Variants in RNFT2 observed in about 807,000 individuals in gnomAD.
RNFT2 encodes the protein E3 ubiquitin-protein ligase RNFT2.
A neutral mutation model predicts 53.0 loss-of-function variants in RNFT2; 36 were observed. The observed-to-expected ratio is 0.68, with a 90% CI of 0.52 to 0.90. The LOEUF (loss-of-function observed/expected upper bound fraction) is 0.90. Ranked by LOEUF, RNFT2 falls within the 40% of genes least tolerant of loss-of-function variation. The probability of loss-of-function intolerance (pLI) is 0.00; values close to 1 mark genes in which losing one functional copy is unlikely to be tolerated. For missense variants in RNFT2, 514 were observed against 585.6 expected, an observed-to-expected ratio of 0.88 and a Z score of 1.26; for synonymous variants, 260 against 253.2, an observed-to-expected ratio of 1.03 and a Z score of -0.26.
At chr12:116,789,195 G>C (rs1003102886) in intron 7 of RNFT2, among the ~76,000 whole-genome samples, 10 of 144,024 alleles carry the variant, frequency 6.9e-5, no homozygotes, top group Admixed American at 7.0e-5. Context: ...TAGGAGAGTG[G>C]TGGGTGGATG....
intron 7 of RNFT2, among the ~76,000 whole-genome samples, chr12:116,791,462 C>T (rs1874228370): frequency 6.6e-6 from 1 of 152,176 alleles, no homozygotes; most frequent in Non-Finnish European, 1.5e-5. Flanking sequence ...CAGGAGTGCG[C>T]CACCAGGCCT....
At chr12:116,819,296 C>T (rs569287959) in intron 7 of RNFT2, among the ~76,000 whole-genome samples, 68 of 152,338 alleles carry the variant, frequency 4.5e-4, no homozygotes, top group South Asian at 2.7e-3. Context: ...AAACTGAGAT[C>T]TCCTTTGTCC....
At chr12:116,832,148 A>AAAT (rs1555209702) in intron 7 of RNFT2, among the ~76,000 whole-genome samples, 1,281 of 55,184 alleles carry the variant, frequency 0.023, 23 homozygotes, top group Non-Finnish European at 0.032. Flanking sequence ...AAAAAAAAAA[A>AAAT]ATATATATAT....
chr12:116,826,700 C>T (rs1043462991), intron 7 of RNFT2, among the ~76,000 whole-genome samples: 5 of 152,304 alleles, frequency 3.3e-5, no homozygotes, highest in African/African-American at 1.2e-4. Flanking sequence ...ATTCTCTCTT[C>T]AGCGTTTCAA....
chr12:116,777,909 C>T (rs1873506568), intron 6 of RNFT2, among the ~76,000 whole-genome samples: 1 of 152,178 alleles, frequency 6.6e-6, no homozygotes, highest in South Asian at 2.1e-4. Flanking sequence ...CTTTGGGCAG[C>T]TGACCACCTC....
chr12:116,801,357 A>G (rs879707084), intron 7 of RNFT2: 3 of 152,250 alleles, frequency 2.0e-5, no homozygotes, highest in Admixed American at 6.5e-5. Flanking sequence ...TTCTGTTGCC[A>G]GGAAGATTCT....
At chr12:116,818,164 T>A (rs76262816) in intron 7 of RNFT2, among the ~76,000 whole-genome samples, 184 of 152,076 alleles carry the variant, frequency 1.2e-3, no homozygotes, top group African/African-American at 4.2e-3. Context: ...AAAAAAAGTC[T>A]TTAAAAAATT....
chr12:116,811,457 CCT>C (rs993424851), intron 7 of RNFT2, among the ~76,000 whole-genome samples: 1 of 151,678 alleles, frequency 6.6e-6, no homozygotes, highest in Non-Finnish European at 1.5e-5. Flanking sequence ...CTCACTGCAA[CCT>C]CTGTTTCCCA....
At chr12:116,810,302 C>G (rs1875307119) in intron 7 of RNFT2, among the ~76,000 whole-genome samples, 1 of 152,062 alleles carries the variant, frequency 6.6e-6, no homozygotes, top group African/African-American at 2.4e-5. Context: ...TGGGAGTTAC[C>G]CAGGCATCGC....
chr12:116,755,557 C>T lies in RNFT2; in HGVS notation c.627+1497C>T, dbSNP rs1286905704. 1.3e-5 allele frequency: 11 copies of T among 850,078 alleles called. No homozygotes were observed. The East Asian group carries it at 2.7e-4, about 21-fold the overall frequency. The allele number at this position is 850,078 out of a possible 1,614,324, so 52.7% of individuals were successfully genotyped here. ...TCTGATCATTTTCCTTCATGCATTT[C>T]AGGAAGCTATCTCGGCTCTCAGAGT... is the stretch of plus-strand genomic sequence containing the variant. On this transcript the variant is annotated intron_variant, in intron 5 of 10. Transcript: ENST00000257575.
intron 2 of RNFT2, chr12:116,740,722 G>A (rs1004845179): frequency 3.6e-5 from 23 of 643,230 alleles, no homozygotes; most frequent in East Asian, 5.5e-5. Context: ...CTGCCAGTCC[G>A]CTGCCCACTT....
At chr12:116,766,096 ACT>A (rs1432739525) in intron 5 of RNFT2, among the ~76,000 whole-genome samples, 4 of 151,522 alleles carry the variant, frequency 2.6e-5, no homozygotes, top group Admixed American at 2.6e-4. Context: ...AAATAGCAAG[ACT>A]CTGTCTCTAA....
intron 7 of RNFT2, among the ~76,000 whole-genome samples, chr12:116,802,860 C>T (rs1310959202): frequency 3.3e-5 from 5 of 151,830 alleles, no homozygotes; most frequent in African/African-American, 7.3e-5. Flanking sequence ...TTTGGGAGGC[C>T]GAGCCAGGAG....
chr12:116,822,983 C>T (rs532773250), intron 7 of RNFT2, among the ~76,000 whole-genome samples: 36 of 152,168 alleles, frequency 2.4e-4, no homozygotes, highest in Admixed American at 8.5e-4. Context: ...GGCGATAGTG[C>T]GAGACTCTGT....
intron 6 of RNFT2, among the ~76,000 whole-genome samples, chr12:116,778,352 C>T (rs1873531620): frequency 6.6e-6 from 1 of 152,186 alleles, no homozygotes; most frequent in African/African-American, 2.4e-5. Context: ...TGAGTTCTTG[C>T]TCTGGTAAAA....
chr12:116,840,199 A>C (rs1403845661), intron 10 of RNFT2, among the ~76,000 whole-genome samples: 1 of 152,226 alleles, frequency 6.6e-6, no homozygotes, highest in Non-Finnish European at 1.5e-5. Context: ...AGAGGGCAAG[A>C]GAATGGTGAC....
intron 10 of RNFT2, among the ~76,000 whole-genome samples, chr12:116,836,855 G>A (rs375894200): frequency 2.6e-5 from 4 of 152,134 alleles, no homozygotes; most frequent in Admixed American, 2.0e-4. Context: ...GCTTGAACGC[G>A]GGAGGCAGAG....
At position 116,740,405 on chromosome 12, in the gene RNFT2, G is replaced by C. The variant is rs945230219; in HGVS notation, c.-93G>C. The C allele has an allele frequency of 3.2e-6, 4 of 1,267,742 alleles. No homozygotes were observed. The highest frequency in any genetic ancestry group is 4.5e-6 in the Non-Finnish European group (4 of 890,532). 78.5% of individuals were successfully genotyped at this position (1,267,742 alleles called of 1,614,324 possible). ...TCCCTCTGGAGACGAAGAGGAGGGG[G>C]AGGCCTGTCCTCTCTGGGATCCATT... On this transcript the variant is annotated 5_prime_UTR_variant, in exon 2 of 11. Coordinates refer to ENST00000257575, the MANE Select transcript of RNFT2 (RefSeq NM_001382266.1).
intron 10 of RNFT2, among the ~76,000 whole-genome samples, chr12:116,841,521 G>T (rs1877246681): frequency 6.6e-6 from 1 of 151,182 alleles, no homozygotes; most frequent in Non-Finnish European, 1.5e-5. Context: ...GGTGAGGCAG[G>T]CGGATCACCT....
Sources: allele counts gnomAD v4.1 joint callset (sites outside exome capture counted in the v4.1 genomes callset), GRCh38; gene constraint gnomAD v4.1.1; transcripts MANE v1.5; gene names NCBI Gene and HGNC (gene_info 2026-07-23, HGNC 2026-07-21).